NXN: variants seen among roughly 807,000 people sequenced by gnomAD.
The protein encoded by NXN is nucleoredoxin.
A neutral mutation model predicts 48.6 loss-of-function variants in NXN; 16 were observed. The observed-to-expected ratio is 0.33, with a 90% CI of 0.22 to 0.50. The LOEUF (loss-of-function observed/expected upper bound fraction) is 0.50, where lower values mean the gene tolerates loss of function less well. Among genes scored for constraint, NXN ranks in the 20% least tolerant of loss-of-function variants. NXN has a pLI of 0.98. For synonymous variants in NXN, 281 were observed against 269.6 expected (o/e 1.04, Z -0.41); for missense variants, 492 against 605.5 (o/e 0.81, Z 1.97).
At chr17:895,887 T>C (rs2068479015) in intron 1 of NXN, among the ~76,000 whole-genome samples, 1 of 152,076 alleles carries the variant, frequency 6.6e-6, no homozygotes, top group Non-Finnish European at 1.5e-5. Context: ...TCTTCCAAGG[T>C]GAATCTTTTA....
intron 1 of NXN, among the ~76,000 whole-genome samples, chr17:925,510 T>G (rs971051193): frequency 3.3e-5 from 5 of 152,162 alleles, no homozygotes; most frequent in African/African-American, 1.2e-4. Flanking sequence ...TGCCTCAGCC[T>G]CCCGAGTAGC....
At chr17:802,060 CCT>C (rs1911242270) in intron 7 of NXN, among the ~76,000 whole-genome samples, 1 of 152,226 alleles carries the variant, frequency 6.6e-6, no homozygotes, top group Non-Finnish European at 1.5e-5. Flanking sequence ...GCAGACATAG[CCT>C]CATGCAGACA....
chr17:852,435 C>CCTTT (rs2067934059), intron 1 of NXN, among the ~76,000 whole-genome samples: 1 of 152,208 alleles, frequency 6.6e-6, no homozygotes, highest in Non-Finnish European at 1.5e-5. Context: ...TTTTCTCTCT[C>CCTTT]CTTTCTACCT....
chr17:933,786 CT>C (rs2068878125), intron 1 of NXN, among the ~76,000 whole-genome samples: 1 of 152,120 alleles, frequency 6.6e-6, no homozygotes, highest in African/African-American at 2.4e-5. Context: ...ACGTGGTCAA[CT>C]TTAGAAATGT....
At chr17:842,498 C>G (rs12939291) in intron 1 of NXN, 1 of 984,426 alleles carries the variant, frequency 1.0e-6, no homozygotes, top group Non-Finnish European at 1.2e-6. Context: ...AGGATGAACA[C>G]GGGGCCGCGT....
intron 1 of NXN, among the ~76,000 whole-genome samples, chr17:840,189 C>A (rs962655686): frequency 2.0e-5 from 3 of 152,094 alleles, no homozygotes; most frequent in Non-Finnish European, 2.9e-5. Flanking sequence ...CATTTAGCAC[C>A]CATGCCAGCA....
At position 886,544 on chromosome 17, in the gene NXN, A is replaced by C. The variant is rs113699485; in HGVS notation, c.361-60466T>G. Among the ~76,000 whole-genome samples the C allele has an allele frequency of 3.8e-3, 584 of 152,302 alleles. 7 individuals are homozygous for C. Among genetic ancestry groups the C allele is most frequent in the African/African-American group, 0.014 (567 of 41,578 alleles). ...GGAATCCCAGCACTTTGGAAGGCCA[A>C]TGTGGGTGGATCACCTGAGGTCAGG... On this transcript the variant is annotated intron_variant, in intron 1 of 7. Coordinates refer to ENST00000336868, the MANE Select transcript of NXN (RefSeq NM_022463.5).
intron 1 of NXN, among the ~76,000 whole-genome samples, chr17:955,760 G>A (rs1406065045): frequency 2.0e-5 from 3 of 152,170 alleles, no homozygotes; most frequent in East Asian, 2.0e-4. Flanking sequence ...AAATTAGCCG[G>A]GCGTGGTGGC....
chr17:952,036 C>G (rs958484282), intron 1 of NXN, among the ~76,000 whole-genome samples: 2 of 152,192 alleles, frequency 1.3e-5, no homozygotes, highest in African/African-American at 4.8e-5. Context: ...TCATGGCCAG[C>G]GCTGAAAGAA....
chr17:934,163 A>C (rs2068881812), intron 1 of NXN, among the ~76,000 whole-genome samples: 1 of 151,948 alleles, frequency 6.6e-6, no homozygotes, highest in Non-Finnish European at 1.5e-5. Context: ...GCACCCCGGG[A>C]GGCCGGGCGC....
chr17:814,751 C>T (rs1365898163), intron 5 of NXN, among the ~76,000 whole-genome samples: 3 of 152,136 alleles, frequency 2.0e-5, no homozygotes, highest in Admixed American at 6.5e-5. Flanking sequence ...TCCGGCCGGG[C>T]GCAGTGGCTC....
chr17:975,560 G>A (rs1380350267), intron 1 of NXN, among the ~76,000 whole-genome samples: 7 of 152,150 alleles, frequency 4.6e-5, no homozygotes, highest in Non-Finnish European at 1.0e-4. Context: ...CTGGACCAGG[G>A]TCCCCTGACT....
intron 1 of NXN, among the ~76,000 whole-genome samples, chr17:929,016 C>A (rs1008128337): frequency 2.0e-5 from 3 of 152,140 alleles, no homozygotes; most frequent in African/African-American, 7.2e-5. Context: ...AAAGCCGAGG[C>A]CTTAAATTAG....
intron 5 of NXN, among the ~76,000 whole-genome samples, chr17:806,349 T>C (rs73285772): frequency 0.27 from 32,324 of 121,550 alleles, 5,729 homozygotes; most frequent in East Asian, 0.45. Flanking sequence ...GGAAGAAAAG[T>C]AACAGAAAGC....
At chr17:875,761 T>TTA (rs71371586) in intron 1 of NXN, among the ~76,000 whole-genome samples, 8 of 143,398 alleles carry the variant, frequency 5.6e-5, no homozygotes, top group African/African-American at 1.8e-4. Flanking sequence ...CCTGGTAAAT[T>TTA]AAAAAAAAAA....
chr17:968,361 C>A (rs1350332914), intron 1 of NXN, among the ~76,000 whole-genome samples: 1 of 152,226 alleles, frequency 6.6e-6, no homozygotes, highest in Non-Finnish European at 1.5e-5. Context: ...TTCAGTAAAA[C>A]CGAGCACCTG....
chr17:967,927 G>A (rs1053091327), intron 1 of NXN, among the ~76,000 whole-genome samples: 9 of 151,774 alleles, frequency 5.9e-5, no homozygotes, highest in Admixed American at 1.3e-4. Flanking sequence ...AGCTGAGATC[G>A]CGCCACTGTA....
intron 1 of NXN, among the ~76,000 whole-genome samples, chr17:901,773 C>T (rs2068540228): frequency 1.3e-5 from 2 of 152,294 alleles, no homozygotes; most frequent in Admixed American, 1.3e-4. Context: ...AATCTCAGCT[C>T]ACTGCAACCT....
At chr17:851,665 T>G (rs1002434133) in intron 1 of NXN, among the ~76,000 whole-genome samples, 1 of 152,186 alleles carries the variant, frequency 6.6e-6, no homozygotes, top group African/African-American at 2.4e-5. Context: ...TCATTTACAA[T>G]TTGCGCCCTC....
Sources: allele counts gnomAD v4.1 joint callset (sites outside exome capture counted in the v4.1 genomes callset), GRCh38; gene constraint gnomAD v4.1.1; transcripts MANE v1.5; gene names NCBI Gene and HGNC (gene_info 2026-07-23, HGNC 2026-07-21).